SUGCT: variants seen among roughly 807,000 people sequenced by gnomAD.
SUGCT encodes succinyl-CoA:glutarate CoA-transferase.
In SUGCT, 41 loss-of-function variants were observed where a neutral mutation model predicts 55.0. The observed-to-expected ratio is 0.74, with a 90% CI of 0.58 to 0.97. The LOEUF (loss-of-function observed/expected upper bound fraction) is 0.97, where lower values mean the gene tolerates loss of function less well. Among genes scored for constraint, SUGCT ranks in the 50% least tolerant of loss-of-function variants. SUGCT has a pLI of 0.00. For missense variants in SUGCT, 568 were observed against 547.8 expected (o/e 1.04, Z -0.37); for synonymous variants, 187 against 200.4 (o/e 0.93, Z 0.56).
chr7:40,478,807 G>A (rs1790856465), intron 11 of SUGCT, among the ~76,000 whole-genome samples: 1 of 152,006 alleles, frequency 6.6e-6, no homozygotes, highest in Admixed American at 6.6e-5. Context: ...TGTACCCCTT[G>A]AGCAAGATAT....
intron 6 of SUGCT, among the ~76,000 whole-genome samples, chr7:40,231,262 T>C (rs993947181): frequency 2.0e-4 from 30 of 152,222 alleles, no homozygotes; most frequent in African/African-American, 7.2e-4. Context: ...CCCAGACTTA[T>C]ATATTCACAT....
At chr7:40,412,168 G>T (rs1786734134) in intron 9 of SUGCT, among the ~76,000 whole-genome samples, 1 of 152,204 alleles carries the variant, frequency 6.6e-6, no homozygotes, top group Non-Finnish European at 1.5e-5. Flanking sequence ...CTTGTGTAGT[G>T]TTCCCAATCC....
chr7:40,607,878 T>G (rs1448049864), intron 12 of SUGCT, among the ~76,000 whole-genome samples: 1 of 152,220 alleles, frequency 6.6e-6, no homozygotes, highest in Non-Finnish European at 1.5e-5. Context: ...AACTGGGTTT[T>G]AGACATGTTT....
At chr7:40,299,989 C>T (rs1199735989) in intron 8 of SUGCT, among the ~76,000 whole-genome samples, 2 of 151,942 alleles carry the variant, frequency 1.3e-5, no homozygotes, top group African/African-American at 2.4e-5. Flanking sequence ...CCTGGCTTGC[C>T]GTCTAGGGGG....
At chr7:40,208,560 C>G (rs1046499452) in intron 6 of SUGCT, among the ~76,000 whole-genome samples, 6 of 146,212 alleles carry the variant, frequency 4.1e-5, no homozygotes, top group Non-Finnish European at 9.1e-5. Context: ...TAAATTGATT[C>G]TTTTTTTTTT....
intron 11 of SUGCT, among the ~76,000 whole-genome samples, chr7:40,465,695 A>G (rs921351499): frequency 2.0e-5 from 3 of 152,100 alleles, no homozygotes; most frequent in Admixed American, 6.5e-5. Context: ...GAATAGATTT[A>G]TACAAAATAC....
At chr7:40,695,166 T>TA (rs1562950516) in intron 12 of SUGCT, among the ~76,000 whole-genome samples, 5 of 144,700 alleles carry the variant, frequency 3.5e-5, no homozygotes, top group South Asian at 2.3e-4. Flanking sequence ...TAAACCCTTA[T>TA]TTTTATTTAT....
At chr7:40,680,014 G>A (rs911138846) in intron 12 of SUGCT, among the ~76,000 whole-genome samples, 1 of 152,134 alleles carries the variant, frequency 6.6e-6, no homozygotes. Flanking sequence ...ATGGTTAGAT[G>A]AAAGAAAATG....
chr7:40,716,952 T>C (rs1463203159), intron 12 of SUGCT, among the ~76,000 whole-genome samples: 3 of 151,924 alleles, frequency 2.0e-5, no homozygotes, highest in Non-Finnish European at 4.4e-5. Context: ...GAAAGAAAAA[T>C]GTGCCTTTTG....
At chr7:40,353,360 A>G (rs1797735495) in intron 9 of SUGCT, among the ~76,000 whole-genome samples, 1 of 152,212 alleles carries the variant, frequency 6.6e-6, no homozygotes, top group African/African-American at 2.4e-5. Context: ...CTTAGGTCCC[A>G]TCTTGGACCT....
chr7:40,639,844 C>T (rs1800190227), intron 12 of SUGCT, among the ~76,000 whole-genome samples: 1 of 152,092 alleles, frequency 6.6e-6, no homozygotes, highest in Admixed American at 6.5e-5. Flanking sequence ...GAATTAAACT[C>T]ACTGTCTGTA....
At chr7:40,659,261 A>T (rs1341272681) in intron 12 of SUGCT, among the ~76,000 whole-genome samples, 1 of 152,166 alleles carries the variant, frequency 6.6e-6, no homozygotes, top group Non-Finnish European at 1.5e-5. Context: ...GTTTCTCATG[A>T]GGTCACAGTT....
intron 12 of SUGCT, among the ~76,000 whole-genome samples, chr7:40,632,471 C>A (rs1417542507): frequency 6.7e-6 from 1 of 148,392 alleles, no homozygotes; most frequent in East Asian, 2.0e-4. Context: ...TTTTTTAGTC[C>A]ATTTTCATCA....
chr7:40,600,983 A>T (rs1263239169), intron 12 of SUGCT, among the ~76,000 whole-genome samples: 3 of 152,200 alleles, frequency 2.0e-5, no homozygotes, highest in African/African-American at 7.2e-5. Context: ...TGTCATTCTA[A>T]TATAGCAACA....
chr7:40,915,384 G>A, the SUGCT span, among the ~76,000 whole-genome samples: 3 of 152,280 alleles, frequency 2.0e-5, no homozygotes, highest in Admixed American at 1.3e-4. Context: ...ATGAAACTAG[G>A]TAAGACCTCA....
intron 12 of SUGCT, among the ~76,000 whole-genome samples, chr7:40,655,537 G>T (rs2151845394): frequency 6.6e-6 from 1 of 152,240 alleles, no homozygotes; most frequent in East Asian, 1.9e-4. Flanking sequence ...TTGTCCACTG[G>T]TAACCTTGAG....
intron 12 of SUGCT, among the ~76,000 whole-genome samples, chr7:40,570,147 G>A (rs188829446): frequency 2.0e-5 from 3 of 152,272 alleles, no homozygotes; most frequent in Admixed American, 1.3e-4. Context: ...TTGCTACTCC[G>A]TTTTAAGACA....
At chr7:40,579,214 A>G (rs1263341059) in intron 12 of SUGCT, among the ~76,000 whole-genome samples, 2 of 152,122 alleles carry the variant, frequency 1.3e-5, no homozygotes, top group African/African-American at 2.4e-5. Context: ...ACATTTCACC[A>G]CTTGAAGACC....
At chr7:40,923,372 G>C in the SUGCT span, among the ~76,000 whole-genome samples, 1 of 152,174 alleles carries the variant, frequency 6.6e-6, no homozygotes, top group Non-Finnish European at 1.5e-5. Context: ...GCATTTAGCA[G>C]TTTTGACAAG....
Sources: gnomAD v4.1 joint callset for allele counts (sites outside exome capture counted in the v4.1 genomes callset) on GRCh38, gnomAD v4.1.1 for gene constraint, MANE v1.5 for transcripts, NCBI Gene and HGNC (gene_info 2026-07-23, HGNC 2026-07-21) for gene names.